The following DLC1 variants were observed in gnomAD, a reference collection of about 807,000 sequenced individuals.
DLC1 encodes rho GTPase-activating protein 7.
Under a neutral mutation model 140.3 loss-of-function variants are expected in DLC1, and 54 were observed. The ratio of observed to expected loss-of-function variants is 0.38; its 90% confidence interval spans 0.31 to 0.48. The LOEUF (loss-of-function observed/expected upper bound fraction) is 0.48. Ranked by LOEUF, DLC1 falls within the 20% of genes least tolerant of loss-of-function variation. DLC1 has a pLI of 0.96. For missense variants in DLC1, 2,536 were observed against 1,907.0 expected, an observed-to-expected ratio of 1.33 and a Z score of -6.14; for synonymous variants, 986 against 728.1, an observed-to-expected ratio of 1.35 and a Z score of -5.70.
intron 4 of DLC1, among the ~76,000 whole-genome samples, chr8:13,385,863 T>G (rs748621415): frequency 1.7e-4 from 26 of 152,204 alleles, no homozygotes; most frequent in Non-Finnish European, 3.1e-4. Context: ...ATCAATCTGT[T>G]AGCAAGAAGG....
intron 5 of DLC1, among the ~76,000 whole-genome samples, chr8:13,223,572 G>T (rs758672500): frequency 2.0e-5 from 3 of 152,172 alleles, no homozygotes; most frequent in Non-Finnish European, 4.4e-5. Context: ...TTAACTTAAT[G>T]TTCCAAAACA....
At chr8:13,578,828 C>G (rs1804940635) in intron 1 of DLC1, among the ~76,000 whole-genome samples, 1 of 152,086 alleles carries the variant, frequency 6.6e-6, no homozygotes, top group African/African-American at 2.4e-5. Flanking sequence ...CCTCCAAACC[C>G]TGTCCTTTAG....
chr8:13,139,653 A>G (rs528131116), intron 5 of DLC1, among the ~76,000 whole-genome samples: 35 of 152,296 alleles, frequency 2.3e-4, no homozygotes, highest in African/African-American at 7.0e-4. Flanking sequence ...ATTCCTTTTA[A>G]AGGCTATTTT....
intron 5 of DLC1, chr8:13,304,492 C>T: frequency 4.4e-6 from 1 of 227,428 alleles, no homozygotes; most frequent in Non-Finnish European, 7.3e-6. Context: ...GCCAGACAAA[C>T]TCTACTGCTT....
intron 5 of DLC1, among the ~76,000 whole-genome samples, chr8:13,301,960 C>A (rs1832213702): frequency 6.6e-6 from 1 of 152,038 alleles, no homozygotes; most frequent in Non-Finnish European, 1.5e-5. Context: ...GTTCCTGGTG[C>A]CAAAAAGGTT....
At chr8:13,542,642 T>G (rs1171166926) in intron 1 of DLC1, among the ~76,000 whole-genome samples, 1 of 152,112 alleles carries the variant, frequency 6.6e-6, no homozygotes, top group Non-Finnish European at 1.5e-5. Flanking sequence ...GAGCTACACA[T>G]TTATTTAGAT....
At chr8:13,453,415 T>TATATATATATATGTGTATATATATAC (rs1563359633) in intron 2 of DLC1, among the ~76,000 whole-genome samples, 6 of 52,122 alleles carry the variant, frequency 1.2e-4, no homozygotes, top group South Asian at 6.7e-4. Flanking sequence ...TATATATATA[T>TATATATATATATGTGTATATATATAC]ATATATATGT....
intron 1 of DLC1, among the ~76,000 whole-genome samples, chr8:13,557,022 A>G (rs1279713467): frequency 1.3e-5 from 2 of 152,158 alleles, no homozygotes; most frequent in Non-Finnish European, 2.9e-5. Flanking sequence ...TAATTGTCAT[A>G]TGCATATTCA....
chr8:13,180,266 G>T (rs924488607), intron 5 of DLC1, among the ~76,000 whole-genome samples: 71 of 152,222 alleles, frequency 4.7e-4, no homozygotes, highest in African/African-American at 1.6e-3. Context: ...CATTACTTAT[G>T]AAGTTTTATT....
At chr8:13,232,862 T>C (rs1045409086) in intron 5 of DLC1, among the ~76,000 whole-genome samples, 3 of 152,242 alleles carry the variant, frequency 2.0e-5, no homozygotes, top group African/African-American at 7.2e-5. Context: ...TTGTTTCTTT[T>C]GATAGATTCA....
rs1831993861 is a variant in DLC1 at position 13,297,282 on chromosome 8, T to TAAGAAAAAAAAAAAAAAAAAAAAAAA, written c.1348+7986_1348+7987insTTTTTTTTTTTTTTTTTTTTTTTCTT. Among the ~76,000 whole-genome samples the TAAGAAAAAAAAAAAAAAAAAAAAAAA allele has an allele frequency of 2.1e-4, 2 of 9,638 alleles. 1 individual carries two copies. 6.3% of individuals were successfully genotyped at this position (9,638 alleles called of 152,430 possible). On this transcript the variant is annotated intron_variant, in intron 5 of 17. Coordinates refer to ENST00000276297, the MANE Select transcript of DLC1 (RefSeq NM_182643.3). ...CAGGCAAGCAGAGGCCTTCATACAT[T>TAAGAAAAAAAAAAAAAAAAAAAAAAA]AAAAAAAAAAAAAACTGAAGCAAGT...
intron 5 of DLC1, chr8:13,276,360 C>G: frequency 6.6e-7 from 1 of 1,522,600 alleles, no homozygotes; most frequent in Non-Finnish European, 8.8e-7. Flanking sequence ...GAGAGGGGCT[C>G]GCAGGGGGCG....
chr8:13,603,030 A>G (rs1185348477), intron 1 of DLC1, among the ~76,000 whole-genome samples: 4 of 151,940 alleles, frequency 2.6e-5, no homozygotes, highest in African/African-American at 9.7e-5. Context: ...GCAATAACTT[A>G]GATAACCCAA....
intron 4 of DLC1, among the ~76,000 whole-genome samples, chr8:13,351,428 A>G (rs1834657885): frequency 6.6e-6 from 1 of 152,364 alleles, no homozygotes; most frequent in South Asian, 2.1e-4. Flanking sequence ...TTACTTAGAA[A>G]AGGATTGCAA....
chr8:13,171,520 A>C (rs1825479816), intron 5 of DLC1, among the ~76,000 whole-genome samples: 1 of 152,044 alleles, frequency 6.6e-6, no homozygotes, highest in Non-Finnish European at 1.5e-5. Context: ...CCTCATGAGT[A>C]GCTGGGACTA....
chr8:13,562,436 G>T (rs1222582694), intron 1 of DLC1, among the ~76,000 whole-genome samples: 1 of 152,086 alleles, frequency 6.6e-6, no homozygotes, highest in Non-Finnish European at 1.5e-5. Flanking sequence ...AAAAGAAAAA[G>T]AAATGTAAGT....
intron 5 of DLC1, among the ~76,000 whole-genome samples, chr8:13,162,761 G>A (rs866760312): frequency 6.6e-6 from 1 of 152,116 alleles, no homozygotes; most frequent in Non-Finnish European, 1.5e-5. Context: ...GCAGCACAGT[G>A]AGACCCCGTC....
chr8:13,289,121 C>T (rs13262128), intron 5 of DLC1, among the ~76,000 whole-genome samples: 41,951 of 152,036 alleles, frequency 0.28, 6,162 homozygotes, highest in Admixed American at 0.33. Flanking sequence ...ATCTGGCTTC[C>T]CAGGGCTACC....
At chr8:13,366,649 T>C (rs1835493777) in intron 4 of DLC1, among the ~76,000 whole-genome samples, 1 of 152,184 alleles carries the variant, frequency 6.6e-6, no homozygotes, top group Non-Finnish European at 1.5e-5. Flanking sequence ...TTAGAGCAGA[T>C]ATAAATTTTG....
Sources: allele counts gnomAD v4.1 joint callset (sites outside exome capture counted in the v4.1 genomes callset), GRCh38; gene constraint gnomAD v4.1.1; transcripts MANE v1.5; gene names NCBI Gene and HGNC (gene_info 2026-07-23, HGNC 2026-07-21).